The following GPC3 variants were observed in gnomAD, a reference collection of about 807,000 sequenced individuals.
GPC3 encodes the protein glypican 3.
GPC3 carries 3 observed loss-of-function variants against 34.4 expected under a neutral mutation model. The observed-to-expected ratio is 0.09, with a 90% confidence interval of 0.04 to 0.23. GPC3 has a LOEUF of 0.23. Among genes scored for constraint, GPC3 ranks in the 10% least tolerant of loss-of-function variants. The pLI, the probability that GPC3 is intolerant of heterozygous loss-of-function variation, is 1.00. For synonymous variants in GPC3, 177 were observed against 174.0 expected (o/e 1.02, Z -0.13); for missense variants, 351 against 445.6 (o/e 0.79, Z 1.91).
At chrX:133,625,587 T>C (rs1365387161) in intron 6 of GPC3, among the ~76,000 whole-genome samples, 1 of 111,238 alleles carries the variant, frequency 9.0e-6, no homozygotes, top group Non-Finnish European at 1.9e-5. Context: ...GAGAATAAAA[T>C]ACCTAGGAAT....
In GPC3 at chrX:133,806,604, A is replaced by AATTT. The variant is rs1000432235; in HGVS notation, c.338-52432_338-52429dup. Among the ~76,000 whole-genome samples, 146 of 111,037 alleles carry AATTT rather than the reference A, an allele frequency of 1.3e-3. 1 individual carries two copies. Among genetic ancestry groups the AATTT allele is most frequent in the African/African-American group, 3.3e-3 (101 of 30,607 alleles). ...TGTTGAAATTGAGATCACCTATTTT[A>AATTT]ATTTATTTATTTATTTATTTATTTG... On this transcript the variant is annotated intron_variant, in intron 2 of 7. Coordinates refer to ENST00000370818, the MANE Select transcript of GPC3 (RefSeq NM_004484.4).
At chrX:133,758,263 A>C (rs1320349428) in intron 2 of GPC3, among the ~76,000 whole-genome samples, 1 of 111,923 alleles carries the variant, frequency 8.9e-6, no homozygotes, top group Non-Finnish European at 1.9e-5. Context: ...TGTTCACTGC[A>C]GCACTATTCA....
intron 6 of GPC3, among the ~76,000 whole-genome samples, chrX:133,655,738 C>T: frequency 8.9e-6 from 1 of 111,937 alleles, no homozygotes; most frequent in Non-Finnish European, 1.9e-5. Flanking sequence ...TTACAACTCT[C>T]ACTGGTGTTA....
intron 7 of GPC3, among the ~76,000 whole-genome samples, chrX:133,555,939 T>A (rs1336669990): frequency 8.9e-6 from 1 of 111,834 alleles, no homozygotes; most frequent in Non-Finnish European, 1.9e-5. Context: ...TTTCAGTAAA[T>A]GCTTCTACTG....
chrX:133,739,831 C>T (rs1432949053), intron 3 of GPC3, among the ~76,000 whole-genome samples: 1 of 111,807 alleles, frequency 8.9e-6, no homozygotes, highest in African/African-American at 3.3e-5. Flanking sequence ...TGCAGTGAGC[C>T]GAGACGGCGC....
chrX:133,684,713 A>T (rs2070979772), intron 5 of GPC3, among the ~76,000 whole-genome samples: 1 of 110,945 alleles, frequency 9.0e-6, no homozygotes, highest in Non-Finnish European at 1.9e-5. Flanking sequence ...CCACCCTATA[A>T]ATTAAAAAAC....
At chrX:133,800,542 C>T (rs2075604164) in intron 2 of GPC3, among the ~76,000 whole-genome samples, 1 of 111,790 alleles carries the variant, frequency 8.9e-6, no homozygotes, top group Non-Finnish European at 1.9e-5. Context: ...TGATGAGTAC[C>T]GTCAATCTAG....
At chrX:133,739,690 A>C (rs934154967) in intron 3 of GPC3, among the ~76,000 whole-genome samples, 1 of 110,111 alleles carries the variant, frequency 9.1e-6, no homozygotes, top group Non-Finnish European at 1.9e-5. Flanking sequence ...TACTAAAAAA[A>C]AAACAAAAAC....
intron 5 of GPC3, among the ~76,000 whole-genome samples, chrX:133,670,193 T>C (rs376805408): frequency 9.0e-6 from 1 of 111,507 alleles, no homozygotes; most frequent in East Asian, 2.8e-4. Flanking sequence ...AATCAACAAA[T>C]TCAAATGTAG....
intron 2 of GPC3, among the ~76,000 whole-genome samples, chrX:133,826,291 A>G (rs1046622580): frequency 8.9e-6 from 1 of 112,100 alleles, no homozygotes; most frequent in African/African-American, 3.2e-5. Flanking sequence ...CTAAAGAACT[A>G]AAGGTAAGTA....
intron 2 of GPC3, among the ~76,000 whole-genome samples, chrX:133,922,362 TA>T (rs778749199): frequency 1.1e-4 from 12 of 111,653 alleles, no homozygotes; most frequent in African/African-American, 3.9e-4. Context: ...GGTCCCACCT[TA>T]CAAAGGAGCT....
chrX:133,804,817 T>C (rs1450999561), intron 2 of GPC3, among the ~76,000 whole-genome samples: 1 of 110,948 alleles, frequency 9.0e-6, no homozygotes, highest in Non-Finnish European at 1.9e-5. Context: ...GAATCCTAGG[T>C]GGTGGTGGTG....
chrX:133,726,094 T>C (rs2071404643), intron 3 of GPC3, among the ~76,000 whole-genome samples: 1 of 112,205 alleles, frequency 8.9e-6, no homozygotes, highest in South Asian at 3.8e-4. Context: ...AGATTGCTTT[T>C]CTAATAAAGG....
chrX:133,693,304 G>A (rs2071084326), intron 4 of GPC3, among the ~76,000 whole-genome samples: 1 of 109,691 alleles, frequency 9.1e-6, no homozygotes, highest in South Asian at 4.0e-4. Flanking sequence ...TTTCAGGTCT[G>A]TTATCTCATT....
At chrX:133,806,208 C>G (rs1257222166) in intron 2 of GPC3, among the ~76,000 whole-genome samples, 1 of 112,074 alleles carries the variant, frequency 8.9e-6, no homozygotes, top group Non-Finnish European at 1.9e-5. Context: ...GTGGTTAAAC[C>G]AAGACCCATA....
chrX:133,761,578 A>G (rs1326384700), intron 2 of GPC3, among the ~76,000 whole-genome samples: 1 of 112,087 alleles, frequency 8.9e-6, no homozygotes, highest in African/African-American at 3.2e-5. Flanking sequence ...TATTATATAT[A>G]TCATTTGATA....
intron 2 of GPC3, among the ~76,000 whole-genome samples, chrX:133,948,434 TC>T (rs1429275815): frequency 9.2e-6 from 1 of 109,224 alleles, no homozygotes; most frequent in African/African-American, 3.3e-5. Flanking sequence ...AACGCTGCCC[TC>T]CCCCCCATTC....
At chrX:133,921,747 A>G (rs2124615085) in intron 2 of GPC3, among the ~76,000 whole-genome samples, 1 of 112,222 alleles carries the variant, frequency 8.9e-6, no homozygotes, top group South Asian at 3.7e-4. Flanking sequence ...TCTTTATGGC[A>G]AATATGCTTT....
In GPC3 at chrX:133,638,898, G is replaced by T. The variant is rs142903492; in HGVS notation, c.1413+22832C>A. Among the ~76,000 whole-genome samples, 957 of 110,831 alleles carry T rather than the reference G, an allele frequency of 8.6e-3. 13 individuals carry two copies. The highest frequency in any genetic ancestry group is 0.03 in the African/African-American group (910 of 30,427). ...AAAGTTTACAAATTTATGTTGGGCC[G>T]CATTCAAAGCTGTCCTGGGACACAT... On this transcript the variant is annotated intron_variant, in intron 6 of 7. Coordinates refer to ENST00000370818, the MANE Select transcript of GPC3 (RefSeq NM_004484.4).
Sources: gnomAD v4.1 joint callset for allele counts (sites outside exome capture counted in the v4.1 genomes callset) on GRCh38, gnomAD v4.1.1 for gene constraint, MANE v1.5 for transcripts, NCBI Gene and HGNC (gene_info 2026-07-23, HGNC 2026-07-21) for gene names.